The following ADAMTS17 variants were observed in gnomAD, a reference collection of about 807,000 sequenced individuals.
The protein encoded by ADAMTS17 is A disintegrin and metalloproteinase with thrombospondin motifs 17.
A neutral mutation model predicts 141.5 loss-of-function variants in ADAMTS17; 113 were observed. The ratio of observed to expected loss-of-function variants is 0.80; its 90% confidence interval spans 0.69 to 0.93. The LOEUF (loss-of-function observed/expected upper bound fraction) is 0.93, where lower values mean the gene tolerates loss of function less well. Among genes scored for constraint, ADAMTS17 ranks in the 40% least tolerant of loss-of-function variants. The pLI is 0.00. For synonymous variants in ADAMTS17, 768 were observed against 630.6 expected, an observed-to-expected ratio of 1.22 and a Z score of -3.27; for missense variants, 1,659 against 1,517.9, an observed-to-expected ratio of 1.09 and a Z score of -1.54.
rs77353132 is a variant in ADAMTS17, at chr15:99,999,045, T to C, written c.2592-1456A>G. ...CCACTGGCAGGATCCTTTGAACGGG[T>C]ACTGGACGGTGCCAGCTGTCTCTCG... is the stretch of plus-strand genomic sequence containing the variant. On this transcript the variant is annotated intron_variant, in intron 18 of 21. Coordinates refer to ENST00000268070, the MANE Select transcript of ADAMTS17 (RefSeq NM_139057.4). 2.8e-3 allele frequency among the ~76,000 whole-genome samples: 428 copies of C among 152,254 alleles called. 3 individuals carry two copies. Among genetic ancestry groups the C allele is most frequent in the African/African-American group, 9.5e-3 (394 of 41,558 alleles).
At chr15:100,178,356 C>G (rs1203693242) in intron 8 of ADAMTS17, among the ~76,000 whole-genome samples, 1 of 152,148 alleles carries the variant, frequency 6.6e-6, no homozygotes, top group Non-Finnish European at 1.5e-5. Context: ...TTGCCATATA[C>G]ACACATCACA....
At chr15:100,203,838 G>T (rs1321663025) in intron 7 of ADAMTS17, among the ~76,000 whole-genome samples, 1 of 152,058 alleles carries the variant, frequency 6.6e-6, no homozygotes, top group Non-Finnish European at 1.5e-5. Context: ...GGTAGAGGTT[G>T]CAGTGAGCTG....
intron 3 of ADAMTS17, among the ~76,000 whole-genome samples, chr15:100,283,942 C>A (rs2044366098): frequency 6.6e-6 from 1 of 152,150 alleles, no homozygotes; most frequent in Non-Finnish European, 1.5e-5. Flanking sequence ...CCCGTCTCTA[C>A]TAAAATTACA....
At chr15:100,337,597 T>C (rs1414893199) in intron 2 of ADAMTS17, among the ~76,000 whole-genome samples, 1 of 152,238 alleles carries the variant, frequency 6.6e-6, no homozygotes, top group Non-Finnish European at 1.5e-5. Context: ...TCTCACAGTG[T>C]GCCCCTGGCA....
rs1034496992 is a variant in ADAMTS17, at chr15:100,286,106, C to T, written c.617-4705G>A. On this transcript the variant is annotated intron_variant, in intron 3 of 21. Coordinates refer to ENST00000268070, the MANE Select transcript of ADAMTS17 (RefSeq NM_139057.4). ...GCTCCAGCAGACCAGCCTCCACCGA[C>T]GCGACCAGCCCACAAGCAGCCTCTC... Among the ~76,000 whole-genome samples the T allele has an allele frequency of 1.1e-4, 17 of 152,288 alleles. No homozygotes were observed. The East Asian group carries it at 1.5e-3, about 14-fold the overall frequency.
intron 9 of ADAMTS17, among the ~76,000 whole-genome samples, chr15:100,152,980 G>A (rs2039257611): frequency 4.6e-4 from 10 of 21,932 alleles, no homozygotes; most frequent in South Asian, 1.7e-3. Flanking sequence ...TCTGAAGGTA[G>A]TAAGAACCTG....
At chr15:99,995,722 G>T (rs1289551947) in intron 19 of ADAMTS17, among the ~76,000 whole-genome samples, 61 of 152,332 alleles carry the variant, frequency 4.0e-4, no homozygotes, top group Non-Finnish European at 5.9e-5. Flanking sequence ...GCGGAAGACA[G>T]TCTCACTTTG....
chr15:100,206,554 C>G (rs1434790528), intron 7 of ADAMTS17, among the ~76,000 whole-genome samples: 1 of 152,210 alleles, frequency 6.6e-6, no homozygotes, highest in Non-Finnish European at 1.5e-5. Flanking sequence ...TCAGCCTCCT[C>G]TATCTTCTCT....
chr15:100,165,413 C>A (rs111640753), intron 8 of ADAMTS17, among the ~76,000 whole-genome samples: 1 of 152,168 alleles, frequency 6.6e-6, no homozygotes. Flanking sequence ...CCTGGGCATG[C>A]CATGGCTTCA....
chr15:100,231,074 C>T (rs1242626163), intron 7 of ADAMTS17, among the ~76,000 whole-genome samples: 1 of 152,214 alleles, frequency 6.6e-6, no homozygotes, highest in Admixed American at 6.5e-5. Context: ...AGAGCGCCTG[C>T]ACATCCTGGG....
At chr15:100,258,623 C>G (rs145743025) in intron 6 of ADAMTS17, among the ~76,000 whole-genome samples, 1 of 152,042 alleles carries the variant, frequency 6.6e-6, no homozygotes, top group Non-Finnish European at 1.5e-5. Flanking sequence ...TTCACGATCC[C>G]GAGAACAGCA....
At chr15:100,289,075 A>G (rs958345827) in intron 3 of ADAMTS17, among the ~76,000 whole-genome samples, 1 of 152,206 alleles carries the variant, frequency 6.6e-6, no homozygotes, top group Non-Finnish European at 1.5e-5. Context: ...TCTTTGAAAG[A>G]GTAAATAAGA....
chr15:100,250,019 A>C (rs115056409), intron 7 of ADAMTS17, among the ~76,000 whole-genome samples: 95 of 152,316 alleles, frequency 6.2e-4, no homozygotes, highest in African/African-American at 2.0e-3. Flanking sequence ...ACTGGATGCC[A>C]CTGAATTGCA....
intron 15 of ADAMTS17, among the ~76,000 whole-genome samples, chr15:100,066,718 C>G (rs1383544): frequency 7.9e-5 from 12 of 151,620 alleles, no homozygotes; most frequent in African/African-American, 2.9e-4. Flanking sequence ...CATCCTTCTA[C>G]GTGTCGTTCC....
At chr15:100,185,175 G>GTACAA (rs1394554529) in intron 8 of ADAMTS17, among the ~76,000 whole-genome samples, 1,936 of 152,236 alleles carry the variant, frequency 0.013, 43 homozygotes, top group African/African-American at 0.043. Flanking sequence ...CAAGCTCTGG[G>GTACAA]ACCATGGCAA....
intron 3 of ADAMTS17, among the ~76,000 whole-genome samples, chr15:100,308,933 G>T (rs1016335374): frequency 6.6e-6 from 1 of 152,168 alleles, no homozygotes; most frequent in Admixed American, 6.5e-5. Flanking sequence ...CAAACTTCTG[G>T]GTCCCCAAAT....
intron 12 of ADAMTS17, among the ~76,000 whole-genome samples, chr15:100,130,374 A>C (rs1421342216): frequency 6.6e-6 from 1 of 152,060 alleles, no homozygotes; most frequent in Non-Finnish European, 1.5e-5. Context: ...AAAAAAAAAA[A>C]AAAAAAGTCA....
At chr15:100,214,419 C>T (rs1296862492) in intron 7 of ADAMTS17, among the ~76,000 whole-genome samples, 3 of 152,126 alleles carry the variant, frequency 2.0e-5, no homozygotes, top group African/African-American at 7.2e-5. Context: ...ATCTGCTTTC[C>T]AGGCTGAAGT....
chr15:100,015,820 T>C (rs2061277291), intron 18 of ADAMTS17, among the ~76,000 whole-genome samples: 1 of 152,244 alleles, frequency 6.6e-6, no homozygotes, highest in Non-Finnish European at 1.5e-5. Context: ...ATCTTAACTT[T>C]AGATTACCTG....
Sources: gnomAD v4.1 joint callset for allele counts (sites outside exome capture counted in the v4.1 genomes callset) on GRCh38, gnomAD v4.1.1 for gene constraint, MANE v1.5 for transcripts, NCBI Gene and HGNC (gene_info 2026-07-23, HGNC 2026-07-21) for gene names.